Variants in UBE3A observed in about 807,000 individuals in gnomAD.
UBE3A encodes ubiquitin-protein ligase E3A.
UBE3A carries 6 observed loss-of-function variants against 83.4 expected under a neutral mutation model. The ratio of observed to expected loss-of-function variants is 0.07; its 90% CI spans 0.04 to 0.14. The LOEUF is 0.14. Among genes scored for constraint, UBE3A ranks in the 10% least tolerant of loss-of-function variants. UBE3A has a pLI of 1.00. For synonymous variants in UBE3A, 337 were observed against 355.4 expected, an observed-to-expected ratio of 0.95 and a Z score of 0.58; for missense variants, 456 against 1,036.1, an observed-to-expected ratio of 0.44 and a Z score of 7.69.
intron 1 of UBE3A, among the ~76,000 whole-genome samples, chr15:25,424,848 A>G (rs989454974): frequency 1.3e-5 from 2 of 152,230 alleles, no homozygotes; most frequent in Non-Finnish European, 2.9e-5. Context: ...ACTACAAAAC[A>G]TGAAAGAAAT....
intron 11 of UBE3A, chr15:25,354,008 T>C (rs567346432): frequency 5.4e-4 from 183 of 340,436 alleles, no homozygotes; most frequent in Admixed American, 2.1e-3. Flanking sequence ...AGTTCACAAA[T>C]GCAGAGTTCA....
chr15:25,427,999 C>A (rs1891905553), intron 1 of UBE3A, among the ~76,000 whole-genome samples: 1 of 151,930 alleles, frequency 6.6e-6, no homozygotes, highest in East Asian at 1.9e-4. Flanking sequence ...AAGACAAATA[C>A]CACATGTTCT....
intron 9 of UBE3A, 107 bp downstream of exon 9, chr15:25,355,785 T>A: frequency 1.1e-6 from 1 of 950,758 alleles, no homozygotes. Context: ...TAGTTACTTG[T>A]TTTTTTTTTG....
intron 1 of UBE3A, among the ~76,000 whole-genome samples, chr15:25,423,607 G>T (rs539967795): frequency 3.2e-4 from 48 of 152,010 alleles, no homozygotes; most frequent in Non-Finnish European, 5.4e-4. Context: ...TCCATCTCAG[G>T]TTTCTCAAGG....
At chr15:25,409,668 G>A (rs2089507549) in intron 2 of UBE3A, among the ~76,000 whole-genome samples, 1 of 152,060 alleles carries the variant, frequency 6.6e-6, no homozygotes, top group African/African-American at 2.4e-5. Flanking sequence ...GCTTAGTTTT[G>A]CTATACTGGG....
chr15:25,339,052 T>G lies in UBE3A; in HGVS notation c.*85A>C, dbSNP rs191857513. 7.1e-7 allele frequency: 1 copy of G among 1,405,520 alleles called. No individual in the cohort carries two copies. The highest frequency in any genetic ancestry group is 9.3e-7 in the Non-Finnish European group (1 of 1,076,486). The allele number at this position is 1,405,520 out of a possible 1,614,324, so 87.1% of individuals were successfully genotyped here. A position where few individuals can be genotyped will look rare whatever the true frequency, so the allele number is the denominator to read the frequency against. ...TGGGACACTATCACCACCAAAAATT[T>G]ATCCCTCGTTATATTTTTAAAATTT... On this transcript the variant is annotated 3_prime_UTR_variant, in exon 13 of 13. Transcript: ENST00000648336.
At chr15:25,362,088 G>GAACCT (rs1185536559) in intron 6 of UBE3A, among the ~76,000 whole-genome samples, 1 of 152,114 alleles carries the variant, frequency 6.6e-6, no homozygotes, top group African/African-American at 2.4e-5. Flanking sequence ...CATAGTAATG[G>GAACCT]AACCTACTGT....
chr15:25,402,795 C>T (rs1303650931), intron 4 of UBE3A, among the ~76,000 whole-genome samples: 1 of 152,168 alleles, frequency 6.6e-6, no homozygotes, highest in Non-Finnish European at 1.5e-5. Flanking sequence ...CTTTTCTTAT[C>T]TGTGTGCCAC....
intron 4 of UBE3A, among the ~76,000 whole-genome samples, chr15:25,385,199 G>A (rs1595961476): frequency 6.6e-6 from 1 of 152,144 alleles, no homozygotes; most frequent in Non-Finnish European, 1.5e-5. Flanking sequence ...TCTATACCAT[G>A]TATCTGTTAT....
At chr15:25,425,413 C>T (rs966694880) in intron 1 of UBE3A, among the ~76,000 whole-genome samples, 3 of 152,104 alleles carry the variant, frequency 2.0e-5, no homozygotes, top group Admixed American at 6.5e-5. Flanking sequence ...ATACTAAAAA[C>T]TTTAAAAGGG....
intron 1 of UBE3A, among the ~76,000 whole-genome samples, chr15:25,428,967 C>T (rs1472316388): frequency 6.6e-6 from 1 of 152,052 alleles, no homozygotes; most frequent in East Asian, 1.9e-4. Flanking sequence ...AAATATCCAT[C>T]AATAGTGGGA....
intron 6 of UBE3A, among the ~76,000 whole-genome samples, chr15:25,361,872 AAC>A (rs2078169059): frequency 6.7e-6 from 1 of 150,362 alleles, no homozygotes; most frequent in Admixed American, 6.7e-5. Context: ...AAACAACTGT[AAC>A]ACAGCACTAT....
chr15:25,369,443 C>T (rs975467737), intron 6 of UBE3A, among the ~76,000 whole-genome samples: 86 of 150,606 alleles, frequency 5.7e-4, no homozygotes, highest in African/African-American at 2.0e-3. Context: ...CTTTTTCCAC[C>T]GGGCTACAGC....
chr15:25,425,326 A>G (rs1875471504), intron 1 of UBE3A, among the ~76,000 whole-genome samples: 1 of 152,196 alleles, frequency 6.6e-6, no homozygotes, highest in South Asian at 2.1e-4. Context: ...AATGGCTGCT[A>G]ACAGGTTAGG....
chr15:25,362,538 G>GCT (rs1566921143), intron 6 of UBE3A, among the ~76,000 whole-genome samples: 4 of 152,210 alleles, frequency 2.6e-5, no homozygotes, highest in African/African-American at 9.6e-5. Flanking sequence ...AAATAGTTTT[G>GCT]CTCTCTGAAC....
rs2089406798 is a variant in UBE3A, at chr15:25,409,227, T to G, written c.-100-20A>C. ...ATAACTCTAATAAATTAAACAAACC[T>G]TTGGTTAGAACACTTTAATATATAA... is the stretch of plus-strand genomic sequence containing the variant. On this transcript the variant is annotated intron_variant, in intron 2 of 12. Transcript: ENST00000648336. 2 of 940,594 alleles carry G rather than the reference T, an allele frequency of 2.1e-6. No homozygotes were observed. Among genetic ancestry groups the G allele is most frequent in the Non-Finnish European group, 3.3e-6 (2 of 610,510 alleles). 58.3% of individuals were successfully genotyped at this position (940,594 alleles called of 1,614,324 possible). A position where few individuals can be genotyped will look rare whatever the true frequency, so the allele number is the denominator to read the frequency against.
chr15:25,363,249 T>C (rs2078424590), intron 6 of UBE3A, among the ~76,000 whole-genome samples: 1 of 150,378 alleles, frequency 6.6e-6, no homozygotes, highest in Admixed American at 6.6e-5. Context: ...TTATTTCATC[T>C]GTAAAATAAC....
intron 4 of UBE3A, among the ~76,000 whole-genome samples, chr15:25,378,260 T>A (rs1442684399): frequency 6.6e-6 from 1 of 152,068 alleles, no homozygotes; most frequent in South Asian, 2.1e-4. Flanking sequence ...ATATACTACA[T>A]AGGAGGAGAG....
rs2073951995 is a variant in UBE3A at position 25,336,172 on chromosome 15, T to C, written c.*2965A>G. ...TCTTTACACACTAACACTGTTGAGGTAAAAGGAGACAAGTGAGGGAGCAAA... is the reference window on the plus strand; with the variant it reads ...TCTTTACACACTAACACTGTTGAGGCAAAAGGAGACAAGTGAGGGAGCAAA... On this transcript the variant is annotated 3_prime_UTR_variant, in exon 13 of 13. Coordinates refer to ENST00000648336, the MANE Select transcript of UBE3A (RefSeq NM_130839.5). The C allele has an allele frequency of 6.6e-6, 1 of 151,966 alleles. No individual in the cohort carries two copies. Among genetic ancestry groups the C allele is most frequent in the African/African-American group, 2.4e-5 (1 of 41,340 alleles). The allele number at this position is 151,966 out of a possible 1,614,324, so 9.4% of individuals were successfully genotyped here.
Sources: gnomAD v4.1 joint callset for allele counts (sites outside exome capture counted in the v4.1 genomes callset) on GRCh38, gnomAD v4.1.1 for gene constraint, MANE v1.5 for transcripts, NCBI Gene and HGNC (gene_info 2026-07-23, HGNC 2026-07-21) for gene names.